Variants in LYSET observed in about 807,000 individuals in gnomAD.
LYSET encodes the protein GNPTAB cleavage and activity factor.
At chr14:93,186,549 G>A in the LYSET span, 1 of 1,614,204 alleles carries the variant, frequency 6.2e-7, no homozygotes. Flanking sequence ...TTGTACAAGA[G>A]CTGATCCCAA....
chr14:93,187,445 T>C, the LYSET span, among the ~76,000 whole-genome samples: 2 of 151,934 alleles, frequency 1.3e-5, no homozygotes, highest in African/African-American at 4.8e-5. Flanking sequence ...AAAAAATTTT[T>C]TTTTTCCATG....
chr14:93,188,057 C>G, the LYSET span, among the ~76,000 whole-genome samples: 1 of 150,510 alleles, frequency 6.6e-6, no homozygotes, highest in Non-Finnish European at 1.5e-5. Context: ...CTCCCAGGTT[C>G]ATGCTATTCT....
chr14:93,185,290 C>A, the LYSET span: 1 of 993,396 alleles, frequency 1.0e-6, no homozygotes, highest in Non-Finnish European at 1.5e-6. Flanking sequence ...CCGCGCGTGA[C>A]CCGCCGCAGT....
chr14:93,186,808 G>T, the LYSET span: 2 of 920,400 alleles, frequency 2.2e-6, no homozygotes, highest in Non-Finnish European at 1.6e-6. Context: ...TGATTAGGGA[G>T]CTATCTTTAT....
chr14:93,187,736 C>T, the LYSET span, among the ~76,000 whole-genome samples: 2 of 152,090 alleles, frequency 1.3e-5, no homozygotes, highest in Non-Finnish European at 2.9e-5. Context: ...GCAACCTCCA[C>T]CTCTCGGGTT....
chr14:93,188,114 A>G, the LYSET span, among the ~76,000 whole-genome samples: 1 of 151,948 alleles, frequency 6.6e-6, no homozygotes, highest in African/African-American at 2.4e-5. Context: ...ACCCACCACC[A>G]TGCCTGGCTA....
At chr14:93,185,403 G>A in the LYSET span, 1 of 1,611,618 alleles carries the variant, frequency 6.2e-7, no homozygotes, top group Non-Finnish European at 8.5e-7. Flanking sequence ...GGCTTTCTCT[G>A]AAATGCCAAA....
chr14:93,186,152 A>G, the LYSET span: 3 of 1,124,494 alleles, frequency 2.7e-6, no homozygotes, highest in African/African-American at 4.7e-5. Context: ...TACAGGCGCG[A>G]GCCACCGCGC....
chr14:93,185,536 C>T, the LYSET span: 2 of 1,467,034 alleles, frequency 1.4e-6, no homozygotes, highest in South Asian at 1.1e-5. Flanking sequence ...CTTGTAGCAC[C>T]CCGCGTTCAC....
chr14:93,186,171 G>C, the LYSET span: 9 of 1,363,566 alleles, frequency 6.6e-6, no homozygotes, highest in African/African-American at 1.5e-5. Context: ...GCCCGGCCTA[G>C]AATTCTTGGA....
the LYSET span, chr14:93,185,130 G>A: frequency 1.3e-5 from 2 of 150,890 alleles, no homozygotes; most frequent in African/African-American, 4.9e-5. Flanking sequence ...CCCGGGCCTG[G>A]CGCCGCCTGC....
chr14:93,187,381 C>T, the LYSET span, among the ~76,000 whole-genome samples: 1 of 152,048 alleles, frequency 6.6e-6, no homozygotes, highest in Non-Finnish European at 1.5e-5. Context: ...CTCTCTGGCT[C>T]CCTAAGTGCT....
chr14:93,186,632 T>A, the LYSET span: 2 of 1,613,532 alleles, frequency 1.2e-6, no homozygotes, highest in Non-Finnish European at 1.7e-6. Context: ...TTGTCAAGGC[T>A]TCTAATCAGA....
the LYSET span, chr14:93,186,273 A>G: frequency 6.2e-7 from 1 of 1,612,914 alleles, no homozygotes; most frequent in South Asian, 1.1e-5. Flanking sequence ...CAGAGCATGG[A>G]GAATGATGAA....
the LYSET span, chr14:93,186,600 A>T: frequency 2.5e-6 from 4 of 1,614,140 alleles, no homozygotes; most frequent in East Asian, 2.2e-5. Context: ...CTTGGCAGTT[A>T]TTTGCAATCG....
chr14:93,186,225 T>G, the LYSET span: 11 of 1,569,182 alleles, frequency 7.0e-6, no homozygotes, highest in Middle Eastern at 1.7e-4. Flanking sequence ...ACAGCATTAC[T>G]AGACCCTAAT....
chr14:93,185,374 A>G, the LYSET span: 2 of 1,608,736 alleles, frequency 1.2e-6, no homozygotes, highest in East Asian at 4.5e-5. Flanking sequence ...CGGGTGACCC[A>G]GGGGATTTAT....
the LYSET span, chr14:93,185,396 T>C: frequency 6.2e-7 from 1 of 1,611,658 alleles, no homozygotes; most frequent in Admixed American, 1.7e-5. Context: ...TTATGTTGGC[T>C]TTCTCTGAAA....
chr14:93,184,978 C>T, the LYSET span: 1 of 157,400 alleles, frequency 6.4e-6, no homozygotes, highest in African/African-American at 2.5e-5. This position sits in a 1 kb window ranked among gnomAD's most constrained non-coding sequence, Gnocchi z 4.2. Context: ...GCCGGAAGCT[C>T]CGACTGCGGC....
Sources: gnomAD v4.1 joint callset for allele counts (sites outside exome capture counted in the v4.1 genomes callset) on GRCh38, gnomAD v4.1.1 for gene constraint, Gnocchi (gnomAD v3.1) non-coding constraint, MANE v1.5 for transcripts, NCBI Gene and HGNC (gene_info 2026-07-23, HGNC 2026-07-21) for gene names.